C1orf87: variants seen among roughly 807,000 people sequenced by gnomAD.
C1orf87 encodes chromosome 1 open reading frame 87, also known as uncharacterized protein C1orf87.
Under a neutral mutation model 60.5 loss-of-function variants are expected in C1orf87, and 58 were observed. The ratio of observed to expected loss-of-function variants is 0.96; its 90% CI spans 0.78 to 1.19. The LOEUF (loss-of-function observed/expected upper bound fraction) is 1.19, where lower values mean the gene tolerates loss of function less well. C1orf87 is among the 50% of genes most tolerant of loss of function. The pLI is 0.00. For synonymous variants in C1orf87, 236 were observed against 227.4 expected (o/e 1.04, Z -0.34); for missense variants, 673 against 638.6 (o/e 1.05, Z -0.58).
chr1:60,055,994 C>G (rs970136221), intron 2 of C1orf87, among the ~76,000 whole-genome samples: 3 of 152,006 alleles, frequency 2.0e-5, no homozygotes, highest in Non-Finnish European at 2.9e-5. Context: ...ACCTGTAATC[C>G]CAGCACTTTG....
chr1:59,996,295 C>T (rs1644963573), intron 11 of C1orf87, among the ~76,000 whole-genome samples: 1 of 152,144 alleles, frequency 6.6e-6, no homozygotes, highest in Non-Finnish European at 1.5e-5. Context: ...ATTTTGGGAC[C>T]ATGTGCTTTT....
chr1:59,997,652 C>G lies in C1orf87; in HGVS notation c.1437G>C (p.Arg479Ser). The change falls in exon 11 of 12, where the codon AGG becomes AGC. Residue 479 changes from arginine to serine, a missense_variant. Physicochemically the swap from Arg to Ser is moderately radical, Grantham distance 110. Coordinates refer to ENST00000371201, the MANE Select transcript of C1orf87 (RefSeq NM_152377.3). ...ACAGGTAGAGGGCATTTTCCAGCTT[C>G]CTGAACCTGTCTATCCACGTCTCAC... ...EECETWIDRF[R>S]KLENALYLCD... The G allele has an allele frequency of 6.2e-7, 1 of 1,613,976 alleles. No individual in the cohort carries two copies. Among genetic ancestry groups the G allele is most frequent in the Non-Finnish European group, 8.5e-7 (1 of 1,179,894 alleles).
chr1:59,994,520 C>T (rs997578309), intron 11 of C1orf87, among the ~76,000 whole-genome samples: 2 of 152,168 alleles, frequency 1.3e-5, no homozygotes, highest in African/African-American at 2.4e-5. Context: ...CTTTCAGGCT[C>T]TCATTGCATT....
chr1:60,022,327 A>G (rs1645169402), intron 8 of C1orf87, among the ~76,000 whole-genome samples: 1 of 151,910 alleles, frequency 6.6e-6, no homozygotes. Context: ...GTTGTTAAGT[A>G]ACAATAGAGG....
At chr1:60,001,244 A>C in intron 9 of C1orf87, 88 bp from the exon 10 acceptor site, 1 of 904,878 alleles carries the variant, frequency 1.1e-6, no homozygotes, top group Non-Finnish European at 1.6e-6. Flanking sequence ...CAACAACAGC[A>C]ACAACAAAAA....
At chr1:60,058,676 T>C (rs1423570938) in intron 2 of C1orf87, among the ~76,000 whole-genome samples, 1 of 152,198 alleles carries the variant, frequency 6.6e-6, no homozygotes, top group African/African-American at 2.4e-5. Context: ...GGAAAGTTGA[T>C]GTGATTGGCC....
intron 3 of C1orf87, among the ~76,000 whole-genome samples, chr1:60,054,946 A>G (rs1230948164): frequency 6.6e-6 from 1 of 152,192 alleles, no homozygotes; most frequent in African/African-American, 2.4e-5. Flanking sequence ...CAGGCAGAAT[A>G]GGTTGACCAA....
At chr1:60,014,805 A>G (rs977264662) in intron 8 of C1orf87, among the ~76,000 whole-genome samples, 4 of 152,178 alleles carry the variant, frequency 2.6e-5, no homozygotes, top group African/African-American at 7.2e-5. Context: ...GTCTCAGCAC[A>G]TACTGCTCCT....
intron 6 of C1orf87, 25 bp downstream of exon 6, chr1:60,037,967 C>A: frequency 2.7e-6 from 4 of 1,505,832 alleles, no homozygotes; most frequent in Non-Finnish European, 2.8e-6. Context: ...AGGAACAATA[C>A]CCTCACAAAA....
intron 8 of C1orf87, among the ~76,000 whole-genome samples, chr1:60,018,055 A>G (rs1285246554): frequency 6.6e-6 from 1 of 152,214 alleles, no homozygotes; most frequent in Non-Finnish European, 1.5e-5. Flanking sequence ...GCAGCTCAGC[A>G]CTAGAATCCT....
chr1:60,038,596 A>G (rs992987782), intron 5 of C1orf87, among the ~76,000 whole-genome samples: 5 of 152,070 alleles, frequency 3.3e-5, no homozygotes, highest in East Asian at 3.8e-4. Context: ...ACTATAGTAC[A>G]ACCTAACCTC....
At chr1:60,052,896 G>A (rs574043792) in intron 3 of C1orf87, among the ~76,000 whole-genome samples, 2 of 152,292 alleles carry the variant, frequency 1.3e-5, no homozygotes, top group South Asian at 4.1e-4. Context: ...ACGCCCGCCC[G>A]GCAGACAGAA....
chr1:60,032,443 T>G (rs1645245631), intron 7 of C1orf87, among the ~76,000 whole-genome samples: 1 of 144,540 alleles, frequency 6.9e-6, no homozygotes, highest in East Asian at 2.0e-4. Flanking sequence ...TTTTTTTTTT[T>G]TTTTTTTTTT....
At chr1:60,005,408 G>A (rs528994294) in intron 9 of C1orf87, among the ~76,000 whole-genome samples, 1 of 151,796 alleles carries the variant, frequency 6.6e-6, no homozygotes, top group Admixed American at 6.6e-5. Context: ...ATGCATCAAA[G>A]AATGTCAGGT....
At chr1:60,019,013 T>C (rs1419107834) in intron 8 of C1orf87, among the ~76,000 whole-genome samples, 1 of 152,246 alleles carries the variant, frequency 6.6e-6, no homozygotes, top group African/African-American at 2.4e-5. Context: ...AGGTACCCAG[T>C]AAATGCTTGC....
chr1:60,064,334 C>CA (rs1645519968), intron 2 of C1orf87, among the ~76,000 whole-genome samples: 14 of 76,040 alleles, frequency 1.8e-4, no homozygotes, highest in Non-Finnish European at 2.9e-4. Context: ...ATTATATATA[C>CA]TATATATGTA....
At chr1:60,018,208 G>C (rs1040249138) in intron 8 of C1orf87, among the ~76,000 whole-genome samples, 1 of 152,192 alleles carries the variant, frequency 6.6e-6, no homozygotes, top group Non-Finnish European at 1.5e-5. Context: ...AAGGATATAG[G>C]TTTGCATACA....
Position 59,990,502 on chromosome 1 carries a change from T to C in C1orf87, c.*171A>G. 1 of 768,186 alleles carries C rather than the reference T, an allele frequency of 1.3e-6. No individual in the cohort carries two copies. Among genetic ancestry groups the C allele is most frequent in the Non-Finnish European group, 2.1e-6 (1 of 479,574 alleles). The allele number at this position is 768,186 out of a possible 1,614,324, so 47.6% of individuals were successfully genotyped here. A position where few individuals can be genotyped will look rare whatever the true frequency, so the allele number is the denominator to read the frequency against. Reference sequence around the variant, plus strand: ...TCCTCTGATCACTTTGAACTGCTTATGAGTGAGCATCATAGCCAGAAACTA... The same window carrying C: ...TCCTCTGATCACTTTGAACTGCTTACGAGTGAGCATCATAGCCAGAAACTA... On this transcript the variant is annotated 3_prime_UTR_variant, in exon 12 of 12. Coordinates refer to ENST00000371201, the MANE Select transcript of C1orf87 (RefSeq NM_152377.3).
chr1:59,997,678 A>G lies in C1orf87; in HGVS notation c.1411T>C (p.Cys471Arg), dbSNP rs780682042. The change falls in exon 11 of 12, where the codon TGT (cysteine) becomes CGT (arginine). Residue 471 changes from cysteine (C) to arginine (R), a missense_variant. Physicochemically the swap from Cys to Arg is radical, Grantham distance 180 (BLOSUM62 -3). Coordinates refer to ENST00000371201, the MANE Select transcript of C1orf87 (RefSeq NM_152377.3). ...NPAVKNKAEE[C>R]ETWIDRFRKL... ...CTGAACCTGTCTATCCACGTCTCAC[A>G]TTCCTCAGCCTTGTTCTTCACAGCT... 1 of 1,613,980 alleles carries G rather than the reference A, an allele frequency of 6.2e-7. No individual in the cohort carries two copies. The highest frequency in any genetic ancestry group is 2.2e-5 in the East Asian group (1 of 44,874).
Sources: gnomAD v4.1 joint callset for allele counts (sites outside exome capture counted in the v4.1 genomes callset) on GRCh38, gnomAD v4.1.1 for gene constraint, MANE v1.5 for transcripts, NCBI Gene and HGNC (gene_info 2026-07-23, HGNC 2026-07-21) for gene names.